The following PCBP3 variants were observed in gnomAD, a reference collection of about 807,000 sequenced individuals.
PCBP3 encodes poly(rC) binding protein 3.
A neutral mutation model predicts 52.7 loss-of-function variants in PCBP3; 25 were observed. The observed-to-expected ratio is 0.47, with a 90% CI of 0.35 to 0.66. PCBP3 has a LOEUF of 0.66. Ranked by LOEUF, PCBP3 falls within the 30% of genes least tolerant of loss-of-function variation. The pLI is 0.01. For missense variants in PCBP3, 391 were observed against 490.3 expected (o/e 0.80, Z 1.91); for synonymous variants, 162 against 183.0 (o/e 0.89, Z 0.93).
At position 45,914,326 on chromosome 21, in the gene PCBP3, T is replaced by C. The variant is rs1459381860; in HGVS notation, c.675+301T>C. On this transcript the variant is annotated intron_variant, in intron 12 of 17. Coordinates refer to ENST00000681687, the MANE Select transcript of PCBP3 (RefSeq NM_001384156.1). The stretch of plus-strand genomic sequence containing the variant: ...ACTGGGTGTTTTTAGGAAGCTTAGA[T>C]AGCCGGCGCGCAGGCGCTTTCTAGG... 3.5e-5 allele frequency: 18 copies of C among 509,688 alleles called. 1 individual carries two copies. The highest frequency in any genetic ancestry group is 5.1e-5 in the Non-Finnish European group (15 of 293,088). 31.6% of individuals were successfully genotyped at this position (509,688 alleles called of 1,614,324 possible).
rs550959596 is a variant in PCBP3, at chr21:45,821,884, G to A, written c.-125-28077G>A. 9.2e-5 allele frequency among the ~76,000 whole-genome samples: 14 copies of A among 152,316 alleles called. No individual in the cohort carries two copies. Among genetic ancestry groups the A allele is most frequent in the African/African-American group, 3.4e-4 (14 of 41,568 alleles). Reference sequence around the variant, plus strand: ...TGTCAGGGAGGCACCGCCCAGGGGAGGCTCCTCCTTAGGGTGCATTGTCAC... The same window carrying A: ...TGTCAGGGAGGCACCGCCCAGGGGAAGCTCCTCCTTAGGGTGCATTGTCAC... On this transcript the variant is annotated intron_variant, in intron 4 of 17. Transcript: ENST00000681687. The surrounding 1 kb of genome is among the most constrained non-coding windows in gnomAD (Gnocchi z 4.4).
intron 13 of PCBP3, among the ~76,000 whole-genome samples, chr21:45,929,034 GCT>G (rs2075837429): frequency 6.6e-6 from 1 of 152,204 alleles, no homozygotes; most frequent in Non-Finnish European, 1.5e-5. Context: ...GCAGCCCTGG[GCT>G]CTCCAAAGGG....
At chr21:45,848,429 G>A (rs2093866967) in intron 4 of PCBP3, 1 of 152,288 alleles carries the variant, frequency 6.6e-6, no homozygotes, top group African/African-American at 2.4e-5. Context: ...AGAGGGTGAA[G>A]TGCAGTTGCA....
chr21:45,715,932 A>G (rs1440513703), intron 2 of PCBP3, among the ~76,000 whole-genome samples: 1 of 151,950 alleles, frequency 6.6e-6, no homozygotes, highest in Non-Finnish European at 1.5e-5. Flanking sequence ...TTGACTTTTT[A>G]CTTTTTTGAT....
chr21:45,892,716 G>C (rs142803558), intron 5 of PCBP3, among the ~76,000 whole-genome samples: 9 of 152,216 alleles, frequency 5.9e-5, no homozygotes, highest in Admixed American at 3.3e-4. Context: ...TGTGTCCTCC[G>C]TGAGGAGATC....
At chr21:45,820,094 T>C (rs1603443521) in intron 4 of PCBP3, among the ~76,000 whole-genome samples, 1 of 152,266 alleles carries the variant, frequency 6.6e-6, no homozygotes, top group East Asian at 1.9e-4. Flanking sequence ...CCACTGGCTC[T>C]GACCCATGGA....
intron 1 of PCBP3, among the ~76,000 whole-genome samples, chr21:45,666,660 G>A (rs950577659): frequency 5.3e-5 from 8 of 151,450 alleles, no homozygotes; most frequent in African/African-American, 1.9e-4. Context: ...TCATGATTTT[G>A]CATATGTTAT....
intron 5 of PCBP3, among the ~76,000 whole-genome samples, chr21:45,888,136 G>A (rs2095565906): frequency 6.6e-6 from 1 of 152,214 alleles, no homozygotes; most frequent in Admixed American, 6.5e-5. Context: ...CACAGGGCAG[G>A]GGGGTCTGCC....
At chr21:45,666,291 T>G (rs549807433) in intron 1 of PCBP3, among the ~76,000 whole-genome samples, 1 of 152,282 alleles carries the variant, frequency 6.6e-6, no homozygotes, top group Non-Finnish European at 1.5e-5. Context: ...GAGAAAGAAA[T>G]AAAAGGCATC....
chr21:45,842,619 G>A (rs992686687), intron 4 of PCBP3, among the ~76,000 whole-genome samples: 1 of 152,170 alleles, frequency 6.6e-6, no homozygotes, highest in Admixed American at 6.5e-5. Context: ...TTTTGTTTGT[G>A]TCCTGGAAGT....
At chr21:45,679,400 T>A (rs2081688689) in intron 2 of PCBP3, among the ~76,000 whole-genome samples, 1 of 152,128 alleles carries the variant, frequency 6.6e-6, no homozygotes, top group Admixed American at 6.5e-5. Context: ...GGATTACAGG[T>A]GTGAGCCACC....
intron 4 of PCBP3, among the ~76,000 whole-genome samples, chr21:45,771,259 G>C (rs921312396): frequency 1.3e-5 from 2 of 152,240 alleles, no homozygotes; most frequent in African/African-American, 4.8e-5. Context: ...AGACTAGACA[G>C]TGGGCTAATT....
At chr21:45,813,871 T>G (rs1234475319) in intron 4 of PCBP3, among the ~76,000 whole-genome samples, 1 of 152,280 alleles carries the variant, frequency 6.6e-6, no homozygotes, top group Non-Finnish European at 1.5e-5. Flanking sequence ...CATGTTTTTC[T>G]GCATCTACAT....
At chr21:45,934,871 G>A (rs993863314) in intron 15 of PCBP3, among the ~76,000 whole-genome samples, 2 of 152,212 alleles carry the variant, frequency 1.3e-5, no homozygotes, top group African/African-American at 4.8e-5. Context: ...TGTGCCCTGG[G>A]TGCTGCACAG....
At chr21:45,685,844 AC>A (rs1457215373) in intron 2 of PCBP3, among the ~76,000 whole-genome samples, 2 of 152,008 alleles carry the variant, frequency 1.3e-5, no homozygotes, top group Non-Finnish European at 2.9e-5. Context: ...AATAACCAAC[AC>A]ATGAGACTCC....
intron 2 of PCBP3, among the ~76,000 whole-genome samples, chr21:45,734,714 C>T (rs1028289693): frequency 6.6e-6 from 1 of 152,170 alleles, no homozygotes; most frequent in Admixed American, 6.5e-5. Context: ...CTCTGGGGAT[C>T]GTTGTCCTGT....
chr21:45,722,173 A>G (rs1283762186), intron 2 of PCBP3, among the ~76,000 whole-genome samples: 1 of 152,224 alleles, frequency 6.6e-6, no homozygotes, highest in African/African-American at 2.4e-5. Flanking sequence ...ATTAGAAAGC[A>G]ATTAGCGTTT....
intron 2 of PCBP3, among the ~76,000 whole-genome samples, chr21:45,690,596 A>G (rs762624249): frequency 6.6e-6 from 1 of 152,174 alleles, no homozygotes; most frequent in Non-Finnish European, 1.5e-5. Flanking sequence ...TTCAGAATAT[A>G]CAAAGAACTT....
chr21:45,646,091 C>CTT (rs2079260326), intron 1 of PCBP3, among the ~76,000 whole-genome samples: 111 of 82,818 alleles, frequency 1.3e-3, no homozygotes, highest in African/African-American at 4.5e-3. Context: ...CTTTCTCTCT[C>CTT]TCTCTCTCTC....
Sources: gnomAD v4.1 joint callset for allele counts (sites outside exome capture counted in the v4.1 genomes callset) on GRCh38, gnomAD v4.1.1 for gene constraint, Gnocchi (gnomAD v3.1) non-coding constraint, MANE v1.5 for transcripts, NCBI Gene and HGNC (gene_info 2026-07-23, HGNC 2026-07-21) for gene names.